The following DNAJC1 variants were observed in gnomAD, a reference collection of about 807,000 sequenced individuals.
DNAJC1 encodes the protein dnaJ homolog subfamily C member 1.
In DNAJC1, 58 loss-of-function variants were observed where a neutral mutation model predicts 76.6. The observed-to-expected ratio is 0.76, with a 90% CI of 0.61 to 0.94. DNAJC1 has a LOEUF of 0.94. DNAJC1 is among the 40% of genes least tolerant of loss of function. The pLI is 0.00. For missense variants in DNAJC1, 689 were observed against 677.3 expected (o/e 1.02, Z -0.19); for synonymous variants, 258 against 267.9 (o/e 0.96, Z 0.36).
chr10:21,891,736 G>A (rs1463335303), intron 7 of DNAJC1, among the ~76,000 whole-genome samples: 1 of 152,084 alleles, frequency 6.6e-6, no homozygotes, highest in African/African-American at 2.4e-5. Flanking sequence ...CGGCATGAAG[G>A]GGAAACCAAG....
chr10:21,794,633 G>A (rs1227859454), intron 9 of DNAJC1, among the ~76,000 whole-genome samples: 1 of 152,064 alleles, frequency 6.6e-6, no homozygotes, highest in Non-Finnish European at 1.5e-5. Context: ...AAATGTAGGA[G>A]AAATTCTTTG....
chr10:21,757,920 C>T (rs1834194764), intron 11 of DNAJC1, among the ~76,000 whole-genome samples: 1 of 152,182 alleles, frequency 6.6e-6, no homozygotes. Flanking sequence ...CTTAGGAATC[C>T]AAGCTCCAGC....
At chr10:21,923,857 G>A (rs2131774375) in intron 3 of DNAJC1, among the ~76,000 whole-genome samples, 1 of 151,804 alleles carries the variant, frequency 6.6e-6, no homozygotes, top group East Asian at 1.9e-4. Context: ...CAAGTTACCA[G>A]CAGAAAAATG....
intron 8 of DNAJC1, among the ~76,000 whole-genome samples, chr10:21,834,255 C>A (rs377366114): frequency 6.6e-6 from 1 of 151,864 alleles, no homozygotes; most frequent in Non-Finnish European, 1.5e-5. Context: ...CAGAGCAAGA[C>A]TCCATCTCAA....
chr10:21,978,640 T>C (rs1380281902), intron 1 of DNAJC1, among the ~76,000 whole-genome samples: 2 of 152,100 alleles, frequency 1.3e-5, no homozygotes, highest in Non-Finnish European at 2.9e-5. Flanking sequence ...CCACAAAACC[T>C]GGCAGTGCTA....
chr10:21,760,391 A>G (rs1177389152), intron 10 of DNAJC1, among the ~76,000 whole-genome samples: 1 of 152,266 alleles, frequency 6.6e-6, no homozygotes, highest in East Asian at 1.9e-4. Context: ...TCATTAAGAT[A>G]AAAGGACAAA....
At chr10:21,922,762 C>T (rs1837060472) in intron 3 of DNAJC1, among the ~76,000 whole-genome samples, 1 of 151,944 alleles carries the variant, frequency 6.6e-6, no homozygotes, top group South Asian at 2.1e-4. Context: ...TGAATCTATT[C>T]TCAATCCACA....
chr10:21,870,761 C>T (rs575126759), intron 8 of DNAJC1, among the ~76,000 whole-genome samples: 101 of 151,678 alleles, frequency 6.7e-4, no homozygotes, highest in Non-Finnish European at 1.1e-3. Context: ...GGCAACAGAG[C>T]GAGACCTCAT....
At chr10:21,949,411 C>CTTTT (rs1201250094) in intron 1 of DNAJC1, among the ~76,000 whole-genome samples, 29 of 70,134 alleles carry the variant, frequency 4.1e-4, no homozygotes, top group East Asian at 1.0e-3. Flanking sequence ...CCCCCTTCTT[C>CTTTT]TTTTTTTTTT....
At chr10:21,810,951 T>G (rs1350179373) in intron 8 of DNAJC1, among the ~76,000 whole-genome samples, 26 of 152,292 alleles carry the variant, frequency 1.7e-4, no homozygotes, top group Non-Finnish European at 2.9e-5. Flanking sequence ...TGACTGCAGT[T>G]TGCCTCCAAA....
chr10:21,919,876 CT>C lies in DNAJC1; in HGVS notation c.590del (p.Lys197ArgfsTer18). 6.2e-7 allele frequency: 1 copy of C among 1,609,482 alleles called. No individual in the cohort carries two copies. The highest frequency in any genetic ancestry group is 8.5e-7 in the Non-Finnish European group (1 of 1,178,790). On this transcript the variant is annotated frameshift_variant, in exon 5 of 12. Coordinates refer to ENST00000376980, the MANE Select transcript of DNAJC1 (RefSeq NM_022365.4). LOFTEE classifies it high-confidence loss of function. ...CACCGAGTTTTGATACATCCACACT[CT>C]TGCTGCCAGTCTTTTTTTTCTTTTC... ...KREKKKKTGS[K>X]SVDVSKLGAS...
At chr10:21,776,708 T>C (rs2131624847) in intron 9 of DNAJC1, among the ~76,000 whole-genome samples, 1 of 152,340 alleles carries the variant, frequency 6.6e-6, no homozygotes, top group East Asian at 1.9e-4. Flanking sequence ...CTGTGGATTA[T>C]CTGTCTAGAT....
chr10:21,874,874 T>C (rs1479395622), intron 8 of DNAJC1, among the ~76,000 whole-genome samples: 2 of 152,120 alleles, frequency 1.3e-5, no homozygotes, highest in Non-Finnish European at 2.9e-5. Flanking sequence ...TTTTTTGTTT[T>C]GTTTTTGTTT....
chr10:21,939,182 C>T (rs948790575), intron 1 of DNAJC1, among the ~76,000 whole-genome samples: 7 of 152,138 alleles, frequency 4.6e-5, no homozygotes, highest in African/African-American at 1.7e-4. Context: ...AGCCACCGCT[C>T]CCGGCCCGCT....
intron 1 of DNAJC1, among the ~76,000 whole-genome samples, chr10:22,001,516 A>G (rs982546481): frequency 3.9e-5 from 6 of 152,158 alleles, no homozygotes; most frequent in African/African-American, 9.7e-5. Flanking sequence ...AATCTTCTTG[A>G]TTATCTATGC....
At chr10:21,989,690 A>G (rs1460621939) in intron 1 of DNAJC1, among the ~76,000 whole-genome samples, 2 of 152,194 alleles carry the variant, frequency 1.3e-5, no homozygotes, top group East Asian at 3.9e-4. Flanking sequence ...TTAAGAGGCA[A>G]TGGTTTTAGC....
At chr10:21,969,772 A>T (rs572760287) in intron 1 of DNAJC1, among the ~76,000 whole-genome samples, 1 of 152,350 alleles carries the variant, frequency 6.6e-6, no homozygotes, top group African/African-American at 2.4e-5. Flanking sequence ...ATGATTCACT[A>T]TACAGCACCT....
intron 8 of DNAJC1, among the ~76,000 whole-genome samples, chr10:21,807,717 C>T (rs541142987): frequency 1.3e-5 from 2 of 152,216 alleles, no homozygotes; most frequent in South Asian, 4.1e-4. Flanking sequence ...GAGCTGAAAG[C>T]CTCAAACATA....
At chr10:21,823,359 C>A (rs1180277828) in intron 8 of DNAJC1, among the ~76,000 whole-genome samples, 1 of 152,166 alleles carries the variant, frequency 6.6e-6, no homozygotes, top group Non-Finnish European at 1.5e-5. Context: ...CAGTCTCACA[C>A]ATGGATCAAA....
Sources: gnomAD v4.1 joint callset for allele counts (sites outside exome capture counted in the v4.1 genomes callset) on GRCh38, gnomAD v4.1.1 for gene constraint, MANE v1.5 for transcripts, NCBI Gene and HGNC (gene_info 2026-07-23, HGNC 2026-07-21) for gene names.